Variants in PTPRD observed in about 807,000 individuals in gnomAD.
PTPRD encodes the protein receptor-type tyrosine-protein phosphatase delta.
A neutral mutation model predicts 214.5 loss-of-function variants in PTPRD; 34 were observed. That is an observed-to-expected ratio of 0.16 (90% CI 0.12 to 0.21). The LOEUF (loss-of-function observed/expected upper bound fraction) is 0.21. PTPRD is among the 10% of genes least tolerant of loss of function. The pLI is 1.00. For synonymous variants in PTPRD, 1,128 were observed against 845.7 expected (o/e 1.33, Z -5.79); for missense variants, 2,545 against 2,398.7 (o/e 1.06, Z -1.27).
At chr9:9,630,907 G>A (rs925415668) in intron 7 of PTPRD, among the ~76,000 whole-genome samples, 3 of 151,982 alleles carry the variant, frequency 2.0e-5, no homozygotes, top group Non-Finnish European at 4.4e-5. Flanking sequence ...AAAACATAAG[G>A]AATTAAATTG....
At chr9:10,267,727 A>G (rs1021709976) in intron 3 of PTPRD, among the ~76,000 whole-genome samples, 10 of 152,208 alleles carry the variant, frequency 6.6e-5, no homozygotes, top group Non-Finnish European at 1.3e-4. Flanking sequence ...AATGTTATGC[A>G]CAAAAATGTT....
chr9:8,738,043 T>C (rs1003343461), intron 11 of PTPRD, among the ~76,000 whole-genome samples: 6 of 152,200 alleles, frequency 3.9e-5, no homozygotes, highest in African/African-American at 1.4e-4. Context: ...CCCCGGTTTC[T>C]TATTTCTCAT....
intron 8 of PTPRD, among the ~76,000 whole-genome samples, chr9:9,422,518 C>A (rs2079183621): frequency 6.6e-6 from 1 of 152,176 alleles, no homozygotes; most frequent in East Asian, 1.9e-4. Flanking sequence ...GGACAAAGAT[C>A]CCGGAAGGAC....
chr9:8,592,313 TC>T (rs1294603007), intron 14 of PTPRD, among the ~76,000 whole-genome samples: 6 of 152,080 alleles, frequency 3.9e-5, no homozygotes, highest in African/African-American at 1.4e-4. Flanking sequence ...ATGTAAAATA[TC>T]CTTTCCGCTT....
rs1027873814 is a variant in PTPRD, at chr9:10,386,071, T to C, written c.-599-45054A>G. 4.1e-4 allele frequency among the ~76,000 whole-genome samples: 62 copies of C among 152,004 alleles called. 1 individual carries two copies. The highest frequency in any genetic ancestry group is 1.4e-3 in the African/African-American group (57 of 41,516). On this transcript the variant is annotated intron_variant, in intron 2 of 45. Coordinates refer to ENST00000381196, the MANE Select transcript of PTPRD (RefSeq NM_002839.4). ...CCAATTTTTCGAACTGTTTTTAAAA[T>C]TGAAGGCATGAAATTCAGTCTTTAC...
At chr9:8,956,001 T>A (rs1470279853) in intron 11 of PTPRD, among the ~76,000 whole-genome samples, 1 of 151,948 alleles carries the variant, frequency 6.6e-6, no homozygotes, top group Non-Finnish European at 1.5e-5. Context: ...TTGAATTCCA[T>A]CAAGTATCCT....
chr9:10,410,186 T>G (rs2098418959), intron 2 of PTPRD, among the ~76,000 whole-genome samples: 1 of 149,272 alleles, frequency 6.7e-6, no homozygotes, highest in South Asian at 2.1e-4. Flanking sequence ...AAACTTCATC[T>G]TCTTTTCTAA....
chr9:9,037,082 A>C (rs1346162902), intron 10 of PTPRD, among the ~76,000 whole-genome samples: 1 of 152,166 alleles, frequency 6.6e-6, no homozygotes, highest in Non-Finnish European at 1.5e-5. Flanking sequence ...CATTTAAGAA[A>C]CCCGTTAATA....
chr9:8,782,811 G>A (rs1042924006), intron 11 of PTPRD, among the ~76,000 whole-genome samples: 15 of 151,990 alleles, frequency 9.9e-5, no homozygotes, highest in Admixed American at 5.9e-4. Flanking sequence ...GGTCAGGCTG[G>A]TCTCGAACTC....
intron 29 of PTPRD, among the ~76,000 whole-genome samples, chr9:8,484,657 G>T (rs1010067949): frequency 3.2e-5 from 4 of 125,042 alleles, no homozygotes; most frequent in African/African-American, 1.4e-4. Flanking sequence ...TATTAGACCT[G>T]TCAGTTGTAT....
At chr9:9,437,460 T>C (rs1233187910) in intron 8 of PTPRD, among the ~76,000 whole-genome samples, 1 of 152,044 alleles carries the variant, frequency 6.6e-6, no homozygotes, top group Non-Finnish European at 1.5e-5. Flanking sequence ...TTTATGCCCA[T>C]GTCAAAGGGT....
At chr9:10,309,789 A>G (rs1178856480) in intron 3 of PTPRD, among the ~76,000 whole-genome samples, 2 of 152,064 alleles carry the variant, frequency 1.3e-5, no homozygotes, top group Non-Finnish European at 1.5e-5. Context: ...ACGTCAATTT[A>G]AACAAAAAAA....
intron 8 of PTPRD, among the ~76,000 whole-genome samples, chr9:9,531,870 T>C (rs1449142328): frequency 2.0e-5 from 3 of 152,020 alleles, no homozygotes; most frequent in Non-Finnish European, 4.4e-5. Flanking sequence ...GTATGGCTGA[T>C]GAGGTTACAG....
At chr9:9,244,146 C>A (rs1231458953) in intron 9 of PTPRD, among the ~76,000 whole-genome samples, 1 of 152,120 alleles carries the variant, frequency 6.6e-6, no homozygotes, top group Non-Finnish European at 1.5e-5. Context: ...AGGATACAAA[C>A]AAATGGAAGA....
chr9:9,270,739 G>A (rs1289122115), intron 9 of PTPRD, among the ~76,000 whole-genome samples: 1 of 151,438 alleles, frequency 6.6e-6, no homozygotes, highest in African/African-American at 2.4e-5. Context: ...AATGGATTTA[G>A]AGAGAGCACT....
intron 11 of PTPRD, among the ~76,000 whole-genome samples, chr9:8,849,469 A>T (rs546100428): frequency 6.6e-6 from 1 of 152,184 alleles, no homozygotes; most frequent in South Asian, 2.1e-4. Context: ...CTCGTGATCC[A>T]CCGGCCTCGG....
At chr9:9,764,528 C>T (rs1428911083) in intron 6 of PTPRD, among the ~76,000 whole-genome samples, 2 of 152,106 alleles carry the variant, frequency 1.3e-5, no homozygotes, top group African/African-American at 4.8e-5. Flanking sequence ...AGAATCATTC[C>T]TCTTCTATTA....
intron 14 of PTPRD, among the ~76,000 whole-genome samples, chr9:8,564,250 T>A (rs1003040438): frequency 4.6e-5 from 7 of 152,176 alleles, no homozygotes; most frequent in African/African-American, 1.7e-4. Context: ...TAAGCTATGA[T>A]GTTCAGTGGG....
intron 14 of PTPRD, among the ~76,000 whole-genome samples, chr9:8,555,871 G>C (rs2083582473): frequency 6.6e-6 from 1 of 152,172 alleles, no homozygotes; most frequent in African/African-American, 2.4e-5. Flanking sequence ...TGGACCACGG[G>C]TCAAGGTCCA....
Sources: gnomAD v4.1 joint callset for allele counts (sites outside exome capture counted in the v4.1 genomes callset) on GRCh38, gnomAD v4.1.1 for gene constraint, MANE v1.5 for transcripts, NCBI Gene and HGNC (gene_info 2026-07-23, HGNC 2026-07-21) for gene names.